THSD4: variants seen among roughly 807,000 people sequenced by gnomAD.
The protein encoded by THSD4 is thrombospondin type-1 domain-containing protein 4.
A neutral mutation model predicts 119.0 loss-of-function variants in THSD4; 69 were observed. The observed-to-expected ratio is 0.58, with a 90% CI of 0.48 to 0.71. The LOEUF is 0.71. Among genes scored for constraint, THSD4 ranks in the 30% least tolerant of loss-of-function variants. The probability of loss-of-function intolerance (pLI) is 0.00; values close to 1 mark genes in which losing one functional copy is unlikely to be tolerated. For synonymous variants in THSD4, 524 were observed against 540.4 expected, an observed-to-expected ratio of 0.97 and a Z score of 0.42; for missense variants, 1,393 against 1,391.1, an observed-to-expected ratio of 1.00 and a Z score of -0.02.
At chr15:71,483,011 C>T (rs1266463793) in intron 7 of THSD4, among the ~76,000 whole-genome samples, 1 of 151,816 alleles carries the variant, frequency 6.6e-6, no homozygotes, top group Non-Finnish European at 1.5e-5. Context: ...ATGAAGGAGA[C>T]TAGGAAAGTG....
At chr15:71,111,362 A>G (rs745610654), upstream of THSD4, 17 of 1,613,814 alleles carry the variant, frequency 1.1e-5, no homozygotes, top group Non-Finnish European at 1.4e-5. Flanking sequence ...GTTACAGGTC[A>G]AGTAGAGAGT....
chr15:71,161,891 T>C (rs1418086567), intron 3 of THSD4, among the ~76,000 whole-genome samples: 1 of 152,034 alleles, frequency 6.6e-6, no homozygotes, highest in Non-Finnish European at 1.5e-5. Flanking sequence ...TTCTCATGTT[T>C]ATTTGTGTAT....
chr15:71,603,417 C>A (rs1466495778), intron 7 of THSD4, among the ~76,000 whole-genome samples: 1 of 152,226 alleles, frequency 6.6e-6, no homozygotes, highest in Non-Finnish European at 1.5e-5. Flanking sequence ...CCCGTTCTCC[C>A]AGTGCAGAGG....
At chr15:71,499,012 A>G (rs1471297830) in intron 7 of THSD4, among the ~76,000 whole-genome samples, 2 of 151,948 alleles carry the variant, frequency 1.3e-5, no homozygotes, top group Admixed American at 1.3e-4. Context: ...GCACAGGTCA[A>G]TGTTACAAGG....
At chr15:71,668,527 G>A (rs2051459709) in intron 8 of THSD4, among the ~76,000 whole-genome samples, 1 of 152,112 alleles carries the variant, frequency 6.6e-6, no homozygotes, top group Non-Finnish European at 1.5e-5. Context: ...ACCTGTCTGT[G>A]GAACAGACAC....
intron 3 of THSD4, among the ~76,000 whole-genome samples, chr15:71,212,962 G>A (rs573614582): frequency 6.6e-6 from 1 of 152,188 alleles, no homozygotes; most frequent in Non-Finnish European, 1.5e-5. Context: ...AGTGTGGCCC[G>A]TGCCTGCCCA....
intron 6 of THSD4, among the ~76,000 whole-genome samples, chr15:71,302,774 T>G (rs897116705): frequency 1.3e-5 from 2 of 151,936 alleles, no homozygotes; most frequent in African/African-American, 4.8e-5. Context: ...TGATAGAGAT[T>G]ATCAGCTGGA....
chr15:71,217,144 A>G (rs935719968), intron 4 of THSD4, among the ~76,000 whole-genome samples: 1 of 152,238 alleles, frequency 6.6e-6, no homozygotes, highest in African/African-American at 2.4e-5. Flanking sequence ...TTTGGAATTC[A>G]GAACTGCCCA....
intron 8 of THSD4, among the ~76,000 whole-genome samples, chr15:71,692,450 T>C (rs1002215702): frequency 1.3e-5 from 2 of 152,168 alleles, no homozygotes; most frequent in Admixed American, 1.3e-4. Flanking sequence ...ACTGTAGATT[T>C]TTTGTTTTTG....
At chr15:71,445,871 A>G (rs2047173492) in intron 7 of THSD4, among the ~76,000 whole-genome samples, 1 of 152,216 alleles carries the variant, frequency 6.6e-6, no homozygotes, top group Non-Finnish European at 1.5e-5. Flanking sequence ...TTTTTTGTAC[A>G]TCAAAGCATT....
At chr15:71,363,868 G>A (rs868563458) in intron 6 of THSD4, among the ~76,000 whole-genome samples, 4 of 152,162 alleles carry the variant, frequency 2.6e-5, no homozygotes, top group Admixed American at 1.3e-4. Context: ...AATGAAAGGC[G>A]CAGACGTATA....
chr15:71,577,231 C>G (rs2049466332), intron 7 of THSD4, among the ~76,000 whole-genome samples: 2 of 152,138 alleles, frequency 1.3e-5, no homozygotes, highest in African/African-American at 4.8e-5. Flanking sequence ...CTTGCAGTTT[C>G]TCTCGATCAG....
chr15:71,346,206 GACC>G (rs2045658803), intron 6 of THSD4, among the ~76,000 whole-genome samples: 1 of 152,174 alleles, frequency 6.6e-6, no homozygotes, highest in Non-Finnish European at 1.5e-5. Context: ...GAAGAATATA[GACC>G]ATTATTAGGT....
chr15:71,309,621 A>G (rs2045083387), intron 6 of THSD4, among the ~76,000 whole-genome samples: 2 of 152,212 alleles, frequency 1.3e-5, no homozygotes, highest in Admixed American at 6.5e-5. Context: ...TGAGATTTAT[A>G]GTTTTAGATC....
chr15:71,400,921 A>G (rs960039995), intron 6 of THSD4, among the ~76,000 whole-genome samples: 2 of 152,176 alleles, frequency 1.3e-5, no homozygotes, highest in Non-Finnish European at 2.9e-5. Context: ...TGGATCTGCA[A>G]CTAAGCACAG....
chr15:71,670,571 A>C lies in THSD4; in HGVS notation c.1357+9837A>C, dbSNP rs1595848646. Reference sequence around the variant, plus strand: ...GTGCAGGTTTGTTACATATGTATACATGTGCCATGTTGGTGTGCTGCACCC... The same window carrying C: ...GTGCAGGTTTGTTACATATGTATACCTGTGCCATGTTGGTGTGCTGCACCC... On this transcript the variant is annotated intron_variant, in intron 8 of 17. Coordinates refer to ENST00000261862, the MANE Select transcript of THSD4 (RefSeq NM_024817.3). 4.7e-5 allele frequency among the ~76,000 whole-genome samples: 7 copies of C among 149,152 alleles called. No individual in the cohort carries two copies. In the East Asian group the frequency reaches 8.2e-4, roughly 18 times the overall value.
At chr15:71,444,018 A>G (rs1308205578) in intron 7 of THSD4, among the ~76,000 whole-genome samples, 1 of 152,194 alleles carries the variant, frequency 6.6e-6, no homozygotes, top group East Asian at 1.9e-4. Flanking sequence ...GTCCTTTCTG[A>G]TCTAATAGAC....
chr15:71,426,927 G>A (rs553641777), intron 7 of THSD4, among the ~76,000 whole-genome samples: 1 of 152,244 alleles, frequency 6.6e-6, no homozygotes, highest in East Asian at 1.9e-4. Flanking sequence ...GAACGAGGTA[G>A]AAATTGGTTA....
At chr15:71,433,035 AAAGT>A (rs1397781982) in intron 7 of THSD4, among the ~76,000 whole-genome samples, 1 of 151,828 alleles carries the variant, frequency 6.6e-6, no homozygotes, top group African/African-American at 2.4e-5. Context: ...AAAAACCTGA[AAAGT>A]AAGCAACTTA....
Sources: gnomAD v4.1 joint callset for allele counts (sites outside exome capture counted in the v4.1 genomes callset) on GRCh38, gnomAD v4.1.1 for gene constraint, MANE v1.5 for transcripts, NCBI Gene and HGNC (gene_info 2026-07-23, HGNC 2026-07-21) for gene names.